The following SENP3 variants were observed in gnomAD, a reference collection of about 807,000 sequenced individuals.
The protein encoded by SENP3 is sentrin-specific protease 3.
SENP3 carries 11 observed loss-of-function variants against 66.2 expected under a neutral mutation model. That is an observed-to-expected ratio of 0.17 (90% confidence interval 0.10 to 0.28). SENP3 has a LOEUF of 0.28. SENP3 is among the 10% of genes least tolerant of loss of function. The pLI is 1.00. For missense variants in SENP3, 548 were observed against 743.7 expected (o/e 0.74, Z 3.06); for synonymous variants, 292 against 277.6 (o/e 1.05, Z -0.52).
rs2071225211 is a variant in SENP3 at position 7,562,431 on chromosome 17, G to C, written c.-12+168G>C. On this transcript the variant is annotated intron_variant, in intron 1 of 10. Transcript: ENST00000321337. This position sits in a 1 kb window ranked among gnomAD's most constrained non-coding sequence, Gnocchi z 5.0. ...CGGACTGGTGCCGGGTTGCATTCTG[G>C]TCCCCGAGGATGAAGTAGGAGGGGG... Among the ~76,000 whole-genome samples, 1 of 152,232 alleles carries C rather than the reference G, an allele frequency of 6.6e-6. No individual in the cohort carries two copies. Among genetic ancestry groups the C allele is most frequent in the African/African-American group, 2.4e-5 (1 of 41,456 alleles).
chr17:7,571,226 G>A (rs759437265), intron 10 of SENP3, 147 bp from the exon 11 acceptor site: 21 of 634,334 alleles, frequency 3.3e-5, no homozygotes, highest in Non-Finnish European at 5.3e-5. Flanking sequence ...ACTAGCTTTA[G>A]AGTCAGGCTG....
At chr17:7,568,328 C>T (rs1278045601) in intron 7 of SENP3, among the ~76,000 whole-genome samples, 4 of 152,208 alleles carry the variant, frequency 2.6e-5, no homozygotes, top group African/African-American at 7.2e-5. Context: ...CCGGGTGCGG[C>T]GGCTCACGCC....
At chr17:7,566,767 T>G in intron 6 of SENP3, 160 bp from the exon 7 acceptor site, 5 of 620,716 alleles carry the variant, frequency 8.1e-6, no homozygotes, top group East Asian at 2.8e-5. Flanking sequence ...GCCAGGAGTT[T>G]GAGACCAACC....
chr17:7,565,632 C>A (rs1213601849), intron 5 of SENP3, 45 bp downstream of exon 5: 10 of 1,613,168 alleles, frequency 6.2e-6, no homozygotes, highest in Non-Finnish European at 8.5e-6. Flanking sequence ...ATTCAGGGAG[C>A]AGGGTGTCTG....
At chr17:7,569,914 C>T (rs796480584) in intron 7 of SENP3, among the ~76,000 whole-genome samples, 7 of 152,276 alleles carry the variant, frequency 4.6e-5, no homozygotes, top group African/African-American at 1.7e-4. Flanking sequence ...TAGTTTAATC[C>T]TCATATCAAA....
chr17:7,565,597 G>A lies in SENP3; in HGVS notation c.1215+10G>A. The A allele has an allele frequency of 1.2e-6, 2 of 1,613,814 alleles. No homozygotes were observed. The highest frequency in any genetic ancestry group is 1.1e-5 in the South Asian group (1 of 91,066). ...CTGGCTCAATGACCAGGTGAGAAAG[G>A]GTAGAGAAACAGGCCTGAGAGGGGA... On this transcript the variant is annotated intron_variant, in intron 5 of 10. Transcript: ENST00000321337.
In SENP3 at chr17:7,564,627, C is replaced by T. The variant is rs747562050; in HGVS notation, c.718C>T (p.Leu240Phe). 6.2e-6 allele frequency: 10 copies of T among 1,614,012 alleles called. No homozygotes were observed. Among genetic ancestry groups the T allele is most frequent in the South Asian group, 3.3e-5 (3 of 91,078 alleles). Reference sequence around the variant, plus strand: ...ATTCCATTTCCCCTGCCCTATAGGCCTCCTTTCATGTACTCTGCCCAACGG... The same window carrying T: ...ATTCCATTTCCCCTGCCCTATAGGCTTCCTTTCATGTACTCTGCCCAACGG... The part of the protein sequence containing the change: ...PKSPLDPDSG[L>F]LSCTLPNGFG... Residue 240 changes from leucine to phenylalanine, a missense_variant and splice_region_variant, in exon 3 of 11, where the codon CTC becomes TTC. This residue lies in a region of SENP3 where 215 missense variants were observed against 230.7 expected (regional missense o/e 0.93). Transcript: ENST00000321337.
rs2071262318 is a variant in SENP3, at chr17:7,565,762, A to G, written c.1261A>G (p.Lys421Glu). 1.9e-6 allele frequency: 3 copies of G among 1,613,926 alleles called. No individual in the cohort carries two copies. Among genetic ancestry groups the G allele is most frequent in the Non-Finnish European group, 2.5e-6 (3 of 1,179,848 alleles). The change falls in exon 6 of 11, where the codon AAG becomes GAG. Residue 421 changes from lysine (K) to glutamate (E), a missense_variant and splice_region_variant. Lys to Glu is a moderately conservative substitution (Grantham distance 56). Coordinates refer to ENST00000321337, the MANE Select transcript of SENP3 (RefSeq NM_015670.6). ...GDLVMDTVPE[K>E]VHFFNSFFYD... is the part of the protein sequence containing the mutation. ...CCTGGTCATGGACACAGTCCCTGAA[A>G]AGGTAGGCCCAACCAGATAGGTCAG...
Position 7,562,239 on chromosome 17 carries a change from C to G in SENP3, c.-36C>G, listed in dbSNP as rs1048481537. The G allele has an allele frequency of 5.0e-6, 2 of 398,528 alleles. No homozygotes were observed. Among genetic ancestry groups the G allele is most frequent in the Non-Finnish European group, 8.9e-6 (2 of 225,952 alleles). The allele number at this position is 398,528 out of a possible 1,614,324, so 24.7% of individuals were successfully genotyped here. On this transcript the variant is annotated 5_prime_UTR_variant, in exon 1 of 11. Transcript: ENST00000321337. This position sits in a 1 kb window ranked among gnomAD's most constrained non-coding sequence, Gnocchi z 5.0. Reference sequence around the variant, plus strand: ...GGCCGGAGACGCCCGCCTTCGGGCCCGTCCGCCCGGCTTCCCCGCTCCCGG... The same window carrying G: ...GGCCGGAGACGCCCGCCTTCGGGCCGGTCCGCCCGGCTTCCCCGCTCCCGG...
At position 7,565,595 on chromosome 17, in the gene SENP3, AG is replaced by A; in HGVS notation, c.1215+11del. ...AACTGGCTCAATGACCAGGTGAGAA[AG>A]GGTAGAGAAACAGGCCTGAGAGGGG... is the stretch of plus-strand genomic sequence containing the variant. On this transcript the variant is annotated intron_variant, in intron 5 of 10. Coordinates refer to ENST00000321337, the MANE Select transcript of SENP3 (RefSeq NM_015670.6). The A allele has an allele frequency of 6.2e-7, 1 of 1,613,820 alleles. No homozygotes were observed. Among genetic ancestry groups the A allele is most frequent in the Non-Finnish European group, 8.5e-7 (1 of 1,179,816 alleles).
Position 7,571,391 on chromosome 17 carries a change from C to G in SENP3, c.1633C>G (p.Leu545Val). The G allele has an allele frequency of 6.2e-7, 1 of 1,613,712 alleles. No individual in the cohort carries two copies. Among genetic ancestry groups the G allele is most frequent in the East Asian group, 2.2e-5 (1 of 44,860 alleles). ...CACCCAGTACTGCAAGCATCTGGCC[C>G]TGTCTCAGCCATTCAGCTTCACCCA... is the stretch of plus-strand genomic sequence containing the variant. Reference protein sequence around the residue: ...FVLQYCKHLALSQPFSFTQQD... With the variant: ...FVLQYCKHLAVSQPFSFTQQD... Residue 545 changes from leucine (L) to valine (V), a missense_variant, in exon 11 of 11, where the codon CTG becomes GTG. Leu to Val is a conservative substitution (Grantham distance 32, BLOSUM62 1). Transcript: ENST00000321337.
chr17:7,571,902 T>TAA lies in SENP3; in HGVS notation c.*420_*421insAA. 1.5e-4 allele frequency: 2 copies of TAA among 13,408 alleles called. 1 individual carries two copies. The highest frequency in any genetic ancestry group is 4.5e-3 in the South Asian group (2 of 448). The allele number at this position is 13,408 out of a possible 1,614,324, so 0.8% of individuals were successfully genotyped here. A position where few individuals can be genotyped will look rare whatever the true frequency, so the allele number is the denominator to read the frequency against. ...ATATATATATATATATATATATATA[T>TAA]ATATATAAAAATATATAAATGCCAC... On this transcript the variant is annotated 3_prime_UTR_variant, in exon 11 of 11. Transcript: ENST00000321337.
Position 7,570,436 on chromosome 17 carries a change from G to T in SENP3, c.1422G>T (p.Arg474Ser). 6.2e-7 allele frequency: 1 copy of T among 1,613,766 alleles called. No homozygotes were observed. Among genetic ancestry groups the T allele is most frequent in the Non-Finnish European group, 8.5e-7 (1 of 1,179,874 alleles). The change falls in exon 8 of 11, where the codon AGG becomes AGT. Residue 474 changes from arginine to serine, a missense_variant. By Grantham distance (110) the Arg-to-Ser change is moderately radical (BLOSUM62 -1). Transcript: ENST00000321337. This position sits in a 1 kb window ranked among gnomAD's most constrained non-coding sequence, Gnocchi z 5.4. ...GGTCCCTCATCTCTGTTGATGTGAG[G>T]CGACGCACCATCACCTATTTTGACT... ...VHWSLISVDV[R>S]RRTITYFDSQ...
Position 7,564,880 on chromosome 17 carries a change from G to A in SENP3, c.955+16G>A. ...TGCGTACAGAGTAAGGAGCCCTTAA[G>A]CAACTAGCCTCTCTCCCTTCTCCGA... On this transcript the variant is annotated intron_variant, in intron 3 of 10. Transcript: ENST00000321337. 6.2e-7 allele frequency: 1 copy of A among 1,602,650 alleles called. No homozygotes were observed. The highest frequency in any genetic ancestry group is 8.5e-7 in the Non-Finnish European group (1 of 1,171,488).
intron 2 of SENP3, 33 bp downstream of exon 2, chr17:7,563,824 G>GT: frequency 1.1e-5 from 13 of 1,231,594 alleles, no homozygotes; most frequent in Non-Finnish European, 1.5e-5. Flanking sequence ...GGTTGCGGGG[G>GT]AGGGGTTAGG....
rs1214624707 is a variant in SENP3 at position 7,571,844 on chromosome 17, T to G, written c.*361T>G. 1 of 1,492 alleles carries G rather than the reference T, an allele frequency of 6.7e-4. No homozygotes were observed. The highest frequency in any genetic ancestry group is 3.8e-3 in the African/African-American group (1 of 262). 0.1% of individuals were successfully genotyped at this position (1,492 alleles called of 1,614,324 possible). The stretch of plus-strand genomic sequence containing the variant: ...TGCCAGATCTTCAAACTTTTATATA[T>G]ATATATATATATATATATATATATA... On this transcript the variant is annotated 3_prime_UTR_variant, in exon 11 of 11. Transcript: ENST00000321337.
At chr17:7,567,125 T>C in intron 7 of SENP3, 121 bp downstream of exon 7, 2 of 756,800 alleles carry the variant, frequency 2.6e-6, no homozygotes, top group East Asian at 2.7e-5. Context: ...AAACGTCTCT[T>C]GTGTGTGTAG....
chr17:7,570,942 A>G lies in SENP3; in HGVS notation c.1614+9A>G. 1 of 1,612,742 alleles carries G rather than the reference A, an allele frequency of 6.2e-7. No homozygotes were observed. Among genetic ancestry groups the G allele is most frequent in the Non-Finnish European group, 8.5e-7 (1 of 1,179,258 alleles). ...GTGCTTTTGTGTTGCAGGTAAGCAG[A>G]TGATGGGGCCACCTCCCCTAGCTCT... On this transcript the variant is annotated intron_variant, in intron 10 of 10. Coordinates refer to ENST00000321337, the MANE Select transcript of SENP3 (RefSeq NM_015670.6). The surrounding 1 kb of genome is among the most constrained non-coding windows in gnomAD (Gnocchi z 5.4).
At chr17:7,566,597 C>T (rs1366003506) in intron 6 of SENP3, among the ~76,000 whole-genome samples, 2 of 149,164 alleles carry the variant, frequency 1.3e-5, no homozygotes, top group East Asian at 2.0e-4. Context: ...ACCCGGGAGG[C>T]GGAGGTTGCA....
Sources: gnomAD v4.1 joint callset for allele counts (sites outside exome capture counted in the v4.1 genomes callset) on GRCh38, gnomAD v4.1.1 for gene constraint, gnomAD v4.1.1 regional missense constraint, Gnocchi (gnomAD v3.1) non-coding constraint, MANE v1.5 for transcripts, NCBI Gene and HGNC (gene_info 2026-07-23, HGNC 2026-07-21) for gene names.